Variants in CUL5 observed in about 807,000 individuals in gnomAD.
CUL5 encodes the protein cullin-5.
Under a neutral mutation model 108.8 loss-of-function variants are expected in CUL5, and 26 were observed. The observed-to-expected ratio is 0.24, with a 90% CI of 0.18 to 0.33. CUL5 has a LOEUF of 0.33. Ranked by LOEUF, CUL5 falls within the 10% of genes least tolerant of loss-of-function variation. The pLI, the probability that CUL5 is intolerant of heterozygous loss-of-function variation, is 1.00. For synonymous variants in CUL5, 334 were observed against 298.0 expected (o/e 1.12, Z -1.25); for missense variants, 524 against 909.2 (o/e 0.58, Z 5.45).
At chr11:108,041,566 A>C (rs1333043599) in intron 2 of CUL5, among the ~76,000 whole-genome samples, 1 of 151,264 alleles carries the variant, frequency 6.6e-6, no homozygotes, top group African/African-American at 2.4e-5. Flanking sequence ...TAGAGCCACC[A>C]TGCCCACACC....
At chr11:108,080,300 G>A (rs1864046430) in intron 11 of CUL5, among the ~76,000 whole-genome samples, 1 of 151,744 alleles carries the variant, frequency 6.6e-6, no homozygotes, top group African/African-American at 2.4e-5. Context: ...CGTTGCTCAG[G>A]CTGGTGTCGA....
intron 1 of CUL5, among the ~76,000 whole-genome samples, chr11:108,017,009 C>T (rs996352316): frequency 6.6e-6 from 1 of 152,100 alleles, no homozygotes; most frequent in Admixed American, 6.5e-5. Context: ...GGAGTACATA[C>T]AAATAATATC....
At chr11:108,012,112 TTTG>T (rs1862070997) in intron 1 of CUL5, among the ~76,000 whole-genome samples, 1 of 152,218 alleles carries the variant, frequency 6.6e-6, no homozygotes, top group Admixed American at 6.5e-5. Flanking sequence ...CTACTTTATC[TTTG>T]TTGTTTTTCC....
chr11:108,072,293 T>C, intron 8 of CUL5, 39 bp from the exon 9 acceptor site: 1 of 1,506,584 alleles, frequency 6.6e-7, no homozygotes, highest in Non-Finnish European at 9.0e-7. Flanking sequence ...CTTACTCTAG[T>C]AAATGAAATG....
chr11:108,068,045 C>T (rs899351940), intron 7 of CUL5, among the ~76,000 whole-genome samples: 2 of 152,056 alleles, frequency 1.3e-5, no homozygotes, highest in Non-Finnish European at 2.9e-5. Context: ...TCTCCTGCCT[C>T]AGCCTCCCGA....
In CUL5 at chr11:108,098,542, G is replaced by C. The variant is rs1864555262; in HGVS notation, c.2148+13G>C. On this transcript the variant is annotated intron_variant, in intron 18 of 18. Coordinates refer to ENST00000393094, the MANE Select transcript of CUL5 (RefSeq NM_003478.6). ...ACTAAGAACCCAGGTTTGTAATGTT[G>C]ACAGAATGTCTGAAGTTTAAAAAAA... is the stretch of plus-strand genomic sequence containing the variant. The C allele has an allele frequency of 1.4e-6, 2 of 1,470,834 alleles. No individual in the cohort carries two copies. Among genetic ancestry groups the C allele is most frequent in the African/African-American group, 1.5e-5 (1 of 68,028 alleles). 91.1% of individuals were successfully genotyped at this position (1,470,834 alleles called of 1,614,324 possible).
intron 7 of CUL5, among the ~76,000 whole-genome samples, chr11:108,058,208 CAA>C (rs371453494): frequency 0.046 from 3,335 of 71,884 alleles, 62 homozygotes; most frequent in African/African-American, 0.1. Flanking sequence ...GACTCTGTCT[CAA>C]AAAAAAAAAA....
intron 2 of CUL5, among the ~76,000 whole-genome samples, chr11:108,037,999 C>T (rs1455543379): frequency 6.6e-6 from 1 of 152,170 alleles, no homozygotes; most frequent in Non-Finnish European, 1.5e-5. Context: ...ATCGTTTTCT[C>T]TCTTTATCAC....
chr11:108,010,990 T>A (rs893117473), intron 1 of CUL5, among the ~76,000 whole-genome samples: 3 of 152,192 alleles, frequency 2.0e-5, no homozygotes, highest in Admixed American at 2.0e-4. Context: ...TCTGTGAGAC[T>A]CTAAATGAAA....
chr11:108,023,693 A>G (rs1301399686), intron 1 of CUL5, among the ~76,000 whole-genome samples: 1 of 152,212 alleles, frequency 6.6e-6, no homozygotes, highest in African/African-American at 2.4e-5. Context: ...TCAATGAATA[A>G]ATGTAATAAA....
At chr11:108,056,115 G>C (rs907593215) in intron 7 of CUL5, among the ~76,000 whole-genome samples, 1 of 152,186 alleles carries the variant, frequency 6.6e-6, no homozygotes, top group South Asian at 2.1e-4. Flanking sequence ...GTCAGTGACA[G>C]TACCATGGTA....
At chr11:108,065,836 T>C (rs1186977960) in intron 7 of CUL5, among the ~76,000 whole-genome samples, 1 of 152,130 alleles carries the variant, frequency 6.6e-6, no homozygotes, top group Non-Finnish European at 1.5e-5. Context: ...TTGGTGTTCC[T>C]GCAGGAGGAA....
chr11:108,057,394 T>C (rs968279025), intron 7 of CUL5, among the ~76,000 whole-genome samples: 1 of 152,054 alleles, frequency 6.6e-6, no homozygotes, highest in Non-Finnish European at 1.5e-5. Flanking sequence ...CCCCAAGATA[T>C]TTACTAAAGG....
At chr11:108,031,125 T>C (rs1289360747) in intron 1 of CUL5, among the ~76,000 whole-genome samples, 1 of 152,158 alleles carries the variant, frequency 6.6e-6, no homozygotes, top group Non-Finnish European at 1.5e-5. Context: ...TCTAGCACTT[T>C]GGAAGGCTGA....
chr11:108,017,154 T>A (rs544337900), intron 1 of CUL5, among the ~76,000 whole-genome samples: 1 of 152,128 alleles, frequency 6.6e-6, no homozygotes, highest in African/African-American at 2.4e-5. Flanking sequence ...TTTGGGAGAT[T>A]GAGGTGGGTG....
intron 13 of CUL5, among the ~76,000 whole-genome samples, chr11:108,091,731 A>ACACACACACG (rs1214712926): frequency 2.0e-5 from 3 of 151,386 alleles, no homozygotes; most frequent in Non-Finnish European, 2.9e-5. Context: ...ACACACACAC[A>ACACACACACG]CGACAAATAA....
intron 7 of CUL5, among the ~76,000 whole-genome samples, chr11:108,063,425 A>G (rs1863594514): frequency 6.6e-6 from 1 of 152,102 alleles, no homozygotes; most frequent in Non-Finnish European, 1.5e-5. Flanking sequence ...GTGTTTATGT[A>G]CATTTTCATT....
chr11:108,095,395 T>G, intron 15 of CUL5, 135 bp from the exon 16 acceptor site: 1 of 624,732 alleles, frequency 1.6e-6, no homozygotes, highest in South Asian at 2.4e-5. Flanking sequence ...CATTAACGTC[T>G]TCTAAAATGT....
chr11:108,013,016 A>T (rs1459158900), intron 1 of CUL5, among the ~76,000 whole-genome samples: 1 of 152,126 alleles, frequency 6.6e-6, no homozygotes, highest in East Asian at 1.9e-4. Context: ...ACTTAATGAT[A>T]TGGCTTACTC....
Sources: allele counts gnomAD v4.1 joint callset (sites outside exome capture counted in the v4.1 genomes callset), GRCh38; gene constraint gnomAD v4.1.1; transcripts MANE v1.5; gene names NCBI Gene and HGNC (gene_info 2026-07-23, HGNC 2026-07-21).